The following PICK1 variants were observed in gnomAD, a reference collection of about 807,000 sequenced individuals.
The protein encoded by PICK1 is PRKCA-binding protein.
PICK1 carries 23 observed loss-of-function variants against 48.9 expected under a neutral mutation model. The observed-to-expected ratio is 0.47, with a 90% CI of 0.34 to 0.67. The LOEUF (loss-of-function observed/expected upper bound fraction) is 0.67, where lower values mean the gene tolerates loss of function less well. PICK1 is among the 30% of genes least tolerant of loss of function. PICK1 has a pLI of 0.01. For missense variants in PICK1, 423 were observed against 557.1 expected (o/e 0.76, Z 2.42); for synonymous variants, 217 against 228.2 (o/e 0.95, Z 0.44).
intron 3 of PICK1, among the ~76,000 whole-genome samples, chr22:38,064,213 A>G (rs572222701): frequency 1.3e-5 from 2 of 152,070 alleles, no homozygotes; most frequent in South Asian, 2.1e-4. Flanking sequence ...GCCTGCCACC[A>G]TGCCCAGCTA....
At chr22:38,071,173 G>T (rs762842618) in intron 7 of PICK1, among the ~76,000 whole-genome samples, 1 of 151,964 alleles carries the variant, frequency 6.6e-6, no homozygotes, top group Non-Finnish European at 1.5e-5. Context: ...ATGGTGAAAC[G>T]CCATCTCTAC....
At position 38,074,210 on chromosome 22, in the gene PICK1, A is replaced by T; in HGVS notation, c.835-97A>T. On this transcript the variant is annotated intron_variant, in intron 11 of 12. Coordinates refer to ENST00000356976, the MANE Select transcript of PICK1 (RefSeq NM_012407.4). This position sits in a 1 kb window ranked among gnomAD's most constrained non-coding sequence, Gnocchi z 4.5. ...TCTGAGAAACACTGAAGTCTCAGAA[A>T]TGAGGTCTCAGGAATGAAGAACAGC... The T allele has an allele frequency of 7.0e-7, 1 of 1,430,804 alleles. No homozygotes were observed. The highest frequency in any genetic ancestry group is 1.4e-5 in the African/African-American group (1 of 71,454). 88.6% of individuals were successfully genotyped at this position (1,430,804 alleles called of 1,614,324 possible). A position where few individuals can be genotyped will look rare whatever the true frequency, so the allele number is the denominator to read the frequency against.
chr22:38,072,709 T>C, intron 9 of PICK1, 99 bp downstream of exon 9: 1 of 1,519,096 alleles, frequency 6.6e-7, no homozygotes, highest in Non-Finnish European at 9.0e-7. Flanking sequence ...TGTGCCTGGG[T>C]ACAGCCTCTG....
Position 38,065,044 on chromosome 22 carries a change from G to A in PICK1, c.196G>A (p.Ala66Thr). 6.2e-7 allele frequency: 1 copy of A among 1,614,136 alleles called. No individual in the cohort carries two copies. Among genetic ancestry groups the A allele is most frequent in the Non-Finnish European group, 8.5e-7 (1 of 1,179,992 alleles). ...TPAALDGTVA[A>T]GDEITGVNGR... ...AGCAGCCTTGGACGGCACAGTGGCA[G>A]CTGGCGATGAGATCACCGGTGTCAA... Residue 66 changes from alanine to threonine, a missense_variant, in exon 4 of 13, where the codon GCT (alanine) becomes ACT (threonine). Transcript: ENST00000356976.
chr22:38,060,126 G>T (rs1317549198), intron 3 of PICK1, among the ~76,000 whole-genome samples: 1 of 152,194 alleles, frequency 6.6e-6, no homozygotes, highest in Admixed American at 6.5e-5. Context: ...TAGGAGAATC[G>T]CTTGAACCTG....
Position 38,074,428 on chromosome 22 carries a change from T to A in PICK1, c.956T>A (p.Met319Lys). ...SQMRKDVLEK[M>K]ELLDQKHVQD... is the part of the protein sequence containing the mutation. ...ATGCGCAAGGATGTGCTGGAGAAGA[T>A]GGAGCTGCTGGACCAGAAGCACGGT... The change falls in exon 12 of 13, where the codon ATG becomes AAG. Residue 319 changes from methionine (M) to lysine (K), a missense_variant. This residue lies in a region of PICK1 where 144 missense variants were observed against 139.3 expected (regional missense o/e 1.03). Coordinates refer to ENST00000356976, the MANE Select transcript of PICK1 (RefSeq NM_012407.4). The surrounding 1 kb of genome is among the most constrained non-coding windows in gnomAD (Gnocchi z 4.5). 3.1e-6 allele frequency: 5 copies of A among 1,613,146 alleles called. No homozygotes were observed. Among genetic ancestry groups the A allele is most frequent in the Non-Finnish European group, 4.2e-6 (5 of 1,179,966 alleles).
chr22:38,058,827 A>C (rs909435258), intron 2 of PICK1, among the ~76,000 whole-genome samples: 2 of 152,156 alleles, frequency 1.3e-5, no homozygotes, highest in African/African-American at 2.4e-5. Flanking sequence ...CAACATGGTG[A>C]AACCCCGTCT....
chr22:38,072,301 C>T (rs965018627), intron 8 of PICK1, among the ~76,000 whole-genome samples, 176 bp from the exon 9 acceptor site: 4 of 152,156 alleles, frequency 2.6e-5, no homozygotes, highest in Non-Finnish European at 5.9e-5. Context: ...CAGTTTCCTC[C>T]AGGTGTAGAC....
rs751138380 is a variant in PICK1 at position 38,069,086 on chromosome 22, G to A, written c.403G>A (p.Asp135Asn). Residue 135 changes from aspartate to asparagine, a missense_variant, in exon 6 of 13, where the codon GAT becomes AAT. Physicochemically the swap from Asp to Asn is conservative, Grantham distance 23 (BLOSUM62 1). Around this residue, in one of 2 missense-constraint regions of PICK1, gnomAD observed 279 missense variants for 417.8 expected, o/e 0.67. Transcript: ENST00000356976. ...GGAGAACATGAGTTCAGGGACCGCA[G>A]ATGCTCTGGGCCTGAGCCGGGCCAT... ...LVENMSSGTADALGLSRAILC... is the reference protein window; with the variant it reads ...LVENMSSGTANALGLSRAILC... 27 of 1,612,782 alleles carry A rather than the reference G, an allele frequency of 1.7e-5. No individual in the cohort carries two copies. The highest frequency in any genetic ancestry group is 2.3e-5 in the Non-Finnish European group (27 of 1,179,608).
At chr22:38,059,512 C>A (rs41307231) in intron 3 of PICK1, among the ~76,000 whole-genome samples, 167 bp downstream of exon 3, 1 of 152,222 alleles carries the variant, frequency 6.6e-6, no homozygotes, top group Non-Finnish European at 1.5e-5. Context: ...CCTGTCTTCT[C>A]CCCTGTGTCG....
Position 38,073,865 on chromosome 22 carries a change from C to A in PICK1, c.834+42C>A. On this transcript the variant is annotated intron_variant, in intron 11 of 12. Transcript: ENST00000356976. The surrounding 1 kb of genome is among the most constrained non-coding windows in gnomAD (Gnocchi z 5.7). ...GTGGGGGGCTTGTACTTCCCCCCAC[C>A]TGGTCTGCCAGGGATAGCAGGTGGC... The A allele has an allele frequency of 6.3e-7, 1 of 1,597,262 alleles. No individual in the cohort carries two copies. The highest frequency in any genetic ancestry group is 8.6e-7 in the Non-Finnish European group (1 of 1,165,340).
Position 38,073,199 on chromosome 22 carries a change from CAT to C in PICK1, c.783+108_783+109del, listed in dbSNP as rs1228431294. ...CAGCGAGGCCAGCCAGAGCTGACAG[CAT>C]GTCTGCTCCAGGTGTGGGCCCAGAG... On this transcript the variant is annotated intron_variant, in intron 10 of 12. Coordinates refer to ENST00000356976, the MANE Select transcript of PICK1 (RefSeq NM_012407.4). The surrounding 1 kb of genome is among the most constrained non-coding windows in gnomAD (Gnocchi z 5.7). The C allele has an allele frequency of 3.8e-6, 3 of 792,826 alleles. No homozygotes were observed. Among genetic ancestry groups the C allele is most frequent in the Admixed American group, 3.7e-5 (2 of 53,520 alleles). The allele number at this position is 792,826 out of a possible 1,614,324, so 49.1% of individuals were successfully genotyped here.
At chr22:38,060,951 G>C (rs972746726) in intron 3 of PICK1, among the ~76,000 whole-genome samples, 8 of 151,904 alleles carry the variant, frequency 5.3e-5, no homozygotes, top group Admixed American at 6.6e-5. Flanking sequence ...TTTTAGCTAT[G>C]TTGGCCGGCC....
chr22:38,073,694 C>T lies in PICK1; in HGVS notation c.784-79C>T, dbSNP rs113207189. The T allele has an allele frequency of 9.3e-6, 12 of 1,284,126 alleles. No individual in the cohort carries two copies. Among genetic ancestry groups the T allele is most frequent in the African/African-American group, 4.4e-5 (3 of 68,574 alleles). 79.5% of individuals were successfully genotyped at this position (1,284,126 alleles called of 1,614,324 possible). On this transcript the variant is annotated intron_variant, in intron 10 of 12. Transcript: ENST00000356976. The surrounding 1 kb of genome is among the most constrained non-coding windows in gnomAD (Gnocchi z 5.7). ...ACACCTGCGCCAGCCTCTCCTGCTG[C>T]GTGTGGGTGATGGGGGTGGAGCTGG...
chr22:38,075,199 C>A lies in PICK1; in HGVS notation c.*67C>A. ...GACGGAGCCTGGGAGCGGGGCGGGGCCGCCGCGCAAGGGGGCGACGCATAA... is the reference window on the plus strand; with the variant it reads ...GACGGAGCCTGGGAGCGGGGCGGGGACGCCGCGCAAGGGGGCGACGCATAA... On this transcript the variant is annotated 3_prime_UTR_variant, in exon 13 of 13. Coordinates refer to ENST00000356976, the MANE Select transcript of PICK1 (RefSeq NM_012407.4). 1 of 1,501,204 alleles carries A rather than the reference C, an allele frequency of 6.7e-7. No homozygotes were observed. The highest frequency in any genetic ancestry group is 9.0e-7 in the Non-Finnish European group (1 of 1,114,740). 93.0% of individuals were successfully genotyped at this position (1,501,204 alleles called of 1,614,324 possible).
In PICK1 at chr22:38,074,726, G is replaced by C. The variant is rs1461819845; in HGVS notation, c.980-138G>C. ...CGGCCCCTGCCTCCGCCCCTTGCCA[G>C]GTCATGAGGGGTCAGGGAAGTGCCC... On this transcript the variant is annotated intron_variant, in intron 12 of 12. Transcript: ENST00000356976. This position sits in a 1 kb window ranked among gnomAD's most constrained non-coding sequence, Gnocchi z 4.5. 29 of 1,200,292 alleles carry C rather than the reference G, an allele frequency of 2.4e-5. No individual in the cohort carries two copies. Among genetic ancestry groups the C allele is most frequent in the Non-Finnish European group, 3.3e-5 (28 of 851,034 alleles). 74.4% of individuals were successfully genotyped at this position (1,200,292 alleles called of 1,614,324 possible). A position where few individuals can be genotyped will look rare whatever the true frequency, so the allele number is the denominator to read the frequency against.
rs971179465 is a variant in PICK1 at position 38,074,502 on chromosome 22, C to T, written c.979+51C>T. On this transcript the variant is annotated intron_variant, in intron 12 of 12. Coordinates refer to ENST00000356976, the MANE Select transcript of PICK1 (RefSeq NM_012407.4). This position sits in a 1 kb window ranked among gnomAD's most constrained non-coding sequence, Gnocchi z 4.5. Reference sequence around the variant, plus strand: ...GCTCTCCATTTCAGAGGTGGGAAAACTGAGGCCCAGAGGGGTACTCTCAGG... The same window carrying T: ...GCTCTCCATTTCAGAGGTGGGAAAATTGAGGCCCAGAGGGGTACTCTCAGG... 1 of 1,606,706 alleles carries T rather than the reference C, an allele frequency of 6.2e-7. No homozygotes were observed. The highest frequency in any genetic ancestry group is 8.5e-7 in the Non-Finnish European group (1 of 1,176,998).
In PICK1 at chr22:38,075,126, C is replaced by T. The variant is rs1251489612; in HGVS notation, c.1242C>T (p.Asp414=). The T allele has an allele frequency of 6.2e-7, 1 of 1,609,690 alleles. No individual in the cohort carries two copies. Among genetic ancestry groups the T allele is most frequent in the East Asian group, 2.2e-5 (1 of 44,768 alleles). Residue 414 remains aspartate, a synonymous_variant, in exon 13 of 13, where the codon GAC becomes GAT. Coordinates refer to ENST00000356976, the MANE Select transcript of PICK1 (RefSeq NM_012407.4). ...GPLDKGGSWC[D]S ...TGGACAAGGGTGGAAGCTGGTGTGACTCCTGAGTGCCCCGCGGCTGTGGTG... is the reference window on the plus strand; with the variant it reads ...TGGACAAGGGTGGAAGCTGGTGTGATTCCTGAGTGCCCCGCGGCTGTGGTG...
At position 38,075,033 on chromosome 22, in the gene PICK1, G is replaced by A. The variant is rs766280210; in HGVS notation, c.1149G>A (p.Glu383=). The change falls in exon 13 of 13, where the codon GAG becomes GAA. Residue 383 remains glutamate (E), a synonymous_variant. Coordinates refer to ENST00000356976, the MANE Select transcript of PICK1 (RefSeq NM_012407.4). ...AGGAGGAGTTCACAGATGGGGAGGA[G>A]GAGGAGGAGGAGGAAGACACGGCAG... ...LNQEEFTDGE[E]EEEEEDTAAG... is the part of the protein sequence containing the mutation. 2.4e-5 allele frequency: 38 copies of A among 1,613,228 alleles called. 1 individual carries two copies. The South Asian group carries it at 3.8e-4, about 16-fold the overall frequency.
Sources: allele counts gnomAD v4.1 joint callset (sites outside exome capture counted in the v4.1 genomes callset), GRCh38; gene constraint gnomAD v4.1.1; regional missense constraint gnomAD v4.1.1; non-coding constraint Gnocchi (gnomAD v3.1); transcripts MANE v1.5; gene names NCBI Gene and HGNC (gene_info 2026-07-23, HGNC 2026-07-21).